GCNT1: variants seen among roughly 807,000 people sequenced by gnomAD.
GCNT1 encodes the protein glucosaminyl (N-acetyl) transferase 1.
A neutral mutation model predicts 26.2 loss-of-function variants in GCNT1; 16 were observed. The observed-to-expected ratio is 0.61, with a 90% CI of 0.41 to 0.93. The LOEUF (loss-of-function observed/expected upper bound fraction) is 0.93, where lower values mean the gene tolerates loss of function less well. GCNT1 is among the 40% of genes least tolerant of loss of function. The pLI is 0.00. For synonymous variants in GCNT1, 183 were observed against 190.8 expected (o/e 0.96, Z 0.34); for missense variants, 477 against 526.7 (o/e 0.91, Z 0.92).
At chr9:76,408,509 A>C in the GCNT1 span, among the ~76,000 whole-genome samples, 1 of 152,134 alleles carries the variant, frequency 6.6e-6, no homozygotes, top group African/African-American at 2.4e-5. Flanking sequence ...CCTCAGTTCA[A>C]AGGATCTTTT....
chr9:76,449,301 A>G lies in GCNT1; in HGVS notation c.-290+6986A>G, dbSNP rs139330249. On this transcript the variant is annotated intron_variant, in intron 1 of 2. Transcript: ENST00000442371. Reference sequence around the variant, plus strand: ...CAACAACAAACAAGACCCTGTCTCTATAAAAAACAACAAAAAAAAAAACAA... The same window carrying G: ...CAACAACAAACAAGACCCTGTCTCTGTAAAAAACAACAAAAAAAAAAACAA... Among the ~76,000 whole-genome samples, 343 of 115,276 alleles carry G rather than the reference A, an allele frequency of 3.0e-3. 3 individuals carry two copies. The highest frequency in any genetic ancestry group is 0.01 in the African/African-American group (328 of 31,276). The allele number at this position is 115,276 out of a possible 152,430, so 75.6% of individuals were successfully genotyped here. A position where few individuals can be genotyped will look rare whatever the true frequency, so the allele number is the denominator to read the frequency against.
At chr9:76,500,756 T>A (rs918146138) in intron 2 of GCNT1, among the ~76,000 whole-genome samples, 160 bp from the exon 3 acceptor site, 3 of 152,080 alleles carry the variant, frequency 2.0e-5, no homozygotes, top group African/African-American at 7.2e-5. Context: ...GAAAAATAAG[T>A]AAGACTAGAG....
chr9:76,462,602 T>C lies in GCNT1; in HGVS notation c.-290+2425T>C, dbSNP rs181478055. 2.2e-3 allele frequency among the ~76,000 whole-genome samples: 332 copies of C among 152,350 alleles called. 2 individuals carry two copies. Among genetic ancestry groups the C allele is most frequent in the Admixed American group, 4.0e-3 (61 of 15,292 alleles). On this transcript the variant is annotated intron_variant, in intron 2 of 3. Coordinates refer to ENST00000376730, the MANE Select transcript of GCNT1 (RefSeq NM_001490.5). The stretch of plus-strand genomic sequence containing the variant: ...CCCGGAGAACAAAGTCATCTTTGGT[T>C]GAGGAACAAAATGAACCTATATTTA...
intron 1 of GCNT1, among the ~76,000 whole-genome samples, chr9:76,444,125 G>T (rs573704699): frequency 2.0e-5 from 3 of 152,194 alleles, no homozygotes; most frequent in Non-Finnish European, 2.9e-5. Flanking sequence ...CGGGAGAAAA[G>T]TGGGAGAAGC....
intron 1 of GCNT1, among the ~76,000 whole-genome samples, chr9:76,435,055 T>C (rs965056059): frequency 6.6e-6 from 1 of 152,204 alleles, no homozygotes; most frequent in African/African-American, 2.4e-5. Flanking sequence ...CATCAGTAAT[T>C]CTAATTTTGA....
At chr9:76,442,707 G>C (rs74304737) in intron 1 of GCNT1, among the ~76,000 whole-genome samples, 9,520 of 152,068 alleles carry the variant, frequency 0.063, 350 homozygotes, top group East Asian at 0.15. Context: ...AACTAACACA[G>C]TGGTTTTATC....
chr9:76,436,275 A>G (rs1475381441), intron 1 of GCNT1, among the ~76,000 whole-genome samples: 1 of 152,000 alleles, frequency 6.6e-6, no homozygotes, highest in African/African-American at 2.4e-5. Flanking sequence ...TTTGAGGAAC[A>G]TACCTTCCAC....
rs147987067 is a variant in GCNT1, at chr9:76,444,248, T to C, written c.-290+1933T>C. On this transcript the variant is annotated intron_variant, in intron 1 of 2. Transcript: ENST00000442371. ...AGCAGTTGGAAATATGAGTCTGGAGTTCTGAGGACAGGTCCAGACTAGAGA... is the reference window on the plus strand; with the variant it reads ...AGCAGTTGGAAATATGAGTCTGGAGCTCTGAGGACAGGTCCAGACTAGAGA... Among the ~76,000 whole-genome samples, 1,182 of 152,226 alleles carry C rather than the reference T, an allele frequency of 7.8e-3. 8 individuals carry two copies. The highest frequency in any genetic ancestry group is 0.027 in the African/African-American group (1,122 of 41,534).
intron 2 of GCNT1, among the ~76,000 whole-genome samples, chr9:76,482,811 ATTTTT>A (rs56267257): frequency 5.2e-5 from 6 of 115,884 alleles, no homozygotes; most frequent in Admixed American, 9.9e-5. Flanking sequence ...CACCGGGCTA[ATTTTT>A]TTTTTTTTTT....
At chr9:76,409,941 T>G in the GCNT1 span, among the ~76,000 whole-genome samples, 400 of 152,240 alleles carry the variant, frequency 2.6e-3, 1 homozygote, top group African/African-American at 9.3e-3. Flanking sequence ...ATCCACAAAT[T>G]TTGATAAGTT....
At position 76,504,597 on chromosome 9, in the gene GCNT1, G is replaced by T. The variant is rs78618928; in HGVS notation, c.*929G>T. On this transcript the variant is annotated 3_prime_UTR_variant, in exon 4 of 4. Coordinates refer to ENST00000376730, the MANE Select transcript of GCNT1 (RefSeq NM_001490.5). ...GGTTTGAGGGGCTGGGGAGTGGGAG[G>T]GGGGAGAAAAGGAATGTATTTAAAC... 3.7e-5 allele frequency: 15 copies of T among 409,746 alleles called. No individual in the cohort carries two copies. Among genetic ancestry groups the T allele is most frequent in the African/African-American group, 2.3e-4 (11 of 48,608 alleles). The allele number at this position is 409,746 out of a possible 1,614,324, so 25.4% of individuals were successfully genotyped here.
At chr9:76,414,852 C>A (rs1449561429), upstream of GCNT1, among the ~76,000 whole-genome samples, 1 of 152,138 alleles carries the variant, frequency 6.6e-6, no homozygotes, top group African/African-American at 2.4e-5. Flanking sequence ...AGGGTCTTTA[C>A]AACCTCTGAC....
At chr9:76,480,042 G>A (rs1356749800) in intron 2 of GCNT1, among the ~76,000 whole-genome samples, 2 of 152,162 alleles carry the variant, frequency 1.3e-5, no homozygotes, top group Non-Finnish European at 2.9e-5. Context: ...TAAGGTGTAA[G>A]GAAGGGATCC....
chr9:76,456,156 A>C (rs1823755600), upstream of GCNT1, among the ~76,000 whole-genome samples: 1 of 152,164 alleles, frequency 6.6e-6, no homozygotes, highest in African/African-American at 2.4e-5. Flanking sequence ...AGCAAATCAC[A>C]TTTCCTATAA....
rs139337165 is a variant in GCNT1 at position 76,425,372 on chromosome 9, G to A, written n.38+5485G>A. On this transcript the variant is annotated intron_variant and non_coding_transcript_variant, in intron 1 of 3. Transcript: ENST00000488136. Reference sequence around the variant, plus strand: ...TGAGTAGCTGGGATTAAAGGTGACCGCCAACACGCCCGTCTAATTTTTGTA... The same window carrying A: ...TGAGTAGCTGGGATTAAAGGTGACCACCAACACGCCCGTCTAATTTTTGTA... Among the ~76,000 whole-genome samples the A allele has an allele frequency of 2.6e-3, 396 of 151,734 alleles. 1 individual carries two copies. The highest frequency in any genetic ancestry group is 9.2e-3 in the African/African-American group (382 of 41,414).
chr9:76,441,274 TA>T (rs1461928353), upstream of GCNT1, among the ~76,000 whole-genome samples: 1 of 151,842 alleles, frequency 6.6e-6, no homozygotes, highest in Non-Finnish European at 1.5e-5. Flanking sequence ...GCCTCCAGAG[TA>T]GCTGAGACTA....
At chr9:76,394,250 C>A in the GCNT1 span, 14 of 1,421,492 alleles carry the variant, frequency 9.8e-6, no homozygotes, top group Non-Finnish European at 1.3e-5. Flanking sequence ...CGCCCAGACC[C>A]CGGACCAGCC....
intron 2 of GCNT1, among the ~76,000 whole-genome samples, chr9:76,477,603 C>T (rs140037824): frequency 5.9e-5 from 9 of 151,994 alleles, no homozygotes; most frequent in Non-Finnish European, 1.2e-4. Flanking sequence ...CTAGTCACGT[C>T]GTAGTAAGAC....
intron 2 of GCNT1, among the ~76,000 whole-genome samples, chr9:76,486,530 C>G (rs1251376723): frequency 1.3e-5 from 2 of 152,200 alleles, no homozygotes; most frequent in African/African-American, 4.8e-5. Context: ...TGCACGGTCT[C>G]AGCTTTCCCC....
Sources: gnomAD v4.1 joint callset for allele counts (sites outside exome capture counted in the v4.1 genomes callset) on GRCh38, gnomAD v4.1.1 for gene constraint, MANE v1.5 for transcripts, NCBI Gene and HGNC (gene_info 2026-07-23, HGNC 2026-07-21) for gene names.